CDK13: variants seen among roughly 807,000 people sequenced by gnomAD.
CDK13 encodes cyclin dependent kinase 13.
Under a neutral mutation model 137.6 loss-of-function variants are expected in CDK13, and 40 were observed. That is an observed-to-expected ratio of 0.29 (90% CI 0.23 to 0.38). The LOEUF (loss-of-function observed/expected upper bound fraction) is 0.38, where lower values mean the gene tolerates loss of function less well. Among genes scored for constraint, CDK13 ranks in the 10% least tolerant of loss-of-function variants. CDK13 has a pLI of 1.00. For missense variants in CDK13, 1,704 were observed against 1,951.8 expected (o/e 0.87, Z 2.39); for synonymous variants, 869 against 760.1 (o/e 1.14, Z -2.36).
At chr7:40,003,188 ACACACACACACACACACACTCTCT>A (rs958724857) in intron 5 of CDK13, among the ~76,000 whole-genome samples, 10 of 97,356 alleles carry the variant, frequency 1.0e-4, no homozygotes, top group South Asian at 6.6e-4. Context: ...ACACACACAC[ACACACACACACACACACACTCTCT>A]CTCTCTCTCT....
chr7:39,983,251 T>G (rs1017478267), intron 1 of CDK13, among the ~76,000 whole-genome samples: 2 of 152,184 alleles, frequency 1.3e-5, no homozygotes, highest in African/African-American at 4.8e-5. Flanking sequence ...TAGCCAGTTT[T>G]CCCAGCACCA....
intron 2 of CDK13, among the ~76,000 whole-genome samples, chr7:39,995,389 A>G (rs1288678106): frequency 1.3e-5 from 2 of 152,196 alleles, no homozygotes; most frequent in East Asian, 3.8e-4. Flanking sequence ...AGTTTCCTAA[A>G]TAAGTTATTC....
intron 1 of CDK13, among the ~76,000 whole-genome samples, chr7:39,962,152 A>G (rs1294652801): frequency 6.6e-6 from 1 of 152,254 alleles, no homozygotes; most frequent in African/African-American, 2.4e-5. Context: ...GTACATACCC[A>G]GTAATGGGAT....
chr7:40,057,222 T>C (rs1786039815), intron 7 of CDK13, among the ~76,000 whole-genome samples: 1 of 152,100 alleles, frequency 6.6e-6, no homozygotes, highest in African/African-American at 2.4e-5. Context: ...GCCACTGCAC[T>C]CCAGCCTAGG....
intron 5 of CDK13, among the ~76,000 whole-genome samples, chr7:40,028,923 A>G (rs962941069): frequency 6.6e-6 from 1 of 152,118 alleles, no homozygotes; most frequent in East Asian, 1.9e-4. Flanking sequence ...AGCTTAGTAT[A>G]TATCATTGAT....
rs1372117333 is a variant in CDK13 at position 39,988,020 on chromosome 7, G to T, written c.1633G>T (p.Val545Leu). ...DKAKTKPPLQ[V>L]TKVENNLIVD... ...AGCAAAAACAAAGCCACCTCTTCAG[G>T]TAACGAAGGTGGAAAATAATTTGAT... is the stretch of plus-strand genomic sequence containing the variant. The change falls in exon 2 of 14, where the codon GTA becomes TTA. Residue 545 changes from valine (V) to leucine (L), a missense_variant. By Grantham distance (32) the Val-to-Leu change is conservative. Around this residue, in one of 5 missense-constraint regions of CDK13, gnomAD observed 1,051 missense variants for 931.0 expected, o/e 1.13. Coordinates refer to ENST00000181839, the MANE Select transcript of CDK13 (RefSeq NM_003718.5). The T allele has an allele frequency of 6.2e-7, 1 of 1,613,994 alleles. No individual in the cohort carries two copies. The highest frequency in any genetic ancestry group is 1.7e-5 in the Admixed American group (1 of 59,996).
At position 40,019,589 on chromosome 7, in the gene CDK13, A is replaced by G. The variant is rs1053600365; in HGVS notation, c.2353+17558A>G. ...AAGCCCACCCACATTGTGAGGGTTC[A>G]TCTTTTCTCCCCAAAGTCTTCTGAT... On this transcript the variant is annotated intron_variant, in intron 5 of 13. Transcript: ENST00000181839. 2.0e-5 allele frequency among the ~76,000 whole-genome samples: 3 copies of G among 152,124 alleles called. 1 individual carries two copies. The highest frequency in any genetic ancestry group is 7.2e-5 in the African/African-American group (3 of 41,442).
intron 5 of CDK13, among the ~76,000 whole-genome samples, chr7:40,040,865 C>T (rs566514350): frequency 2.6e-5 from 4 of 152,108 alleles, no homozygotes; most frequent in South Asian, 2.1e-4. Flanking sequence ...TATGGCTCTC[C>T]GGAGGCCAAA....
chr7:40,038,045 A>G (rs926007554), intron 5 of CDK13, among the ~76,000 whole-genome samples: 5 of 152,248 alleles, frequency 3.3e-5, no homozygotes, highest in African/African-American at 1.2e-4. Context: ...TAAAACATTT[A>G]CTTGGTTTCA....
chr7:39,950,975 G>C lies in CDK13; in HGVS notation c.334G>C (p.Gly112Arg), dbSNP rs2116051850. The C allele has an allele frequency of 7.6e-7, 1 of 1,313,714 alleles. No individual in the cohort carries two copies. The highest frequency in any genetic ancestry group is 9.6e-7 in the Non-Finnish European group (1 of 1,036,464). The allele number at this position is 1,313,714 out of a possible 1,614,324, so 81.4% of individuals were successfully genotyped here. ...GAAGCGGCGTCGCGGGCCCCGCGCC[G>C]GGCAGGAGGCGGAGAAGCGTCGGGT... ...RQKRRRGPRA[G>R]QEAEKRRVFS... The change falls in exon 1 of 14, where the codon GGG becomes CGG. Residue 112 changes from glycine (G) to arginine (R), a missense_variant. Coordinates refer to ENST00000181839, the MANE Select transcript of CDK13 (RefSeq NM_003718.5).
chr7:40,012,554 C>T (rs1245395954), intron 5 of CDK13, among the ~76,000 whole-genome samples: 1 of 151,956 alleles, frequency 6.6e-6, no homozygotes, highest in Non-Finnish European at 1.5e-5. Flanking sequence ...GAGCTATGAT[C>T]ACTCCATTGC....
At chr7:40,024,133 G>C (rs981808301) in intron 5 of CDK13, among the ~76,000 whole-genome samples, 3 of 152,156 alleles carry the variant, frequency 2.0e-5, no homozygotes, top group Non-Finnish European at 4.4e-5. Flanking sequence ...ACTTGAAGCA[G>C]ATTCCCTCAA....
chr7:39,990,671 T>G (rs1784437976), intron 2 of CDK13, among the ~76,000 whole-genome samples: 1 of 152,168 alleles, frequency 6.6e-6, no homozygotes, highest in African/African-American at 2.4e-5. Flanking sequence ...GAAAGCTTAG[T>G]TTTTAGTGCC....
At chr7:40,016,572 G>C (rs1289338711) in intron 5 of CDK13, among the ~76,000 whole-genome samples, 1 of 152,104 alleles carries the variant, frequency 6.6e-6, no homozygotes, top group Non-Finnish European at 1.5e-5. Context: ...TAAAGTTTGG[G>C]AGTACCAGGT....
At chr7:39,987,492 T>C in intron 1 of CDK13, 107 bp from the exon 2 acceptor site, 1 of 941,602 alleles carries the variant, frequency 1.1e-6, no homozygotes. Context: ...ACTTTGAAAT[T>C]AAGTAAATTT....
At chr7:39,981,656 T>A (rs1784225747) in intron 1 of CDK13, among the ~76,000 whole-genome samples, 1 of 152,190 alleles carries the variant, frequency 6.6e-6, no homozygotes, top group African/African-American at 2.4e-5. Context: ...AATGGAAACT[T>A]ACTAAGACGA....
At chr7:40,055,396 A>G (rs373369752) in intron 7 of CDK13, among the ~76,000 whole-genome samples, 1 of 152,138 alleles carries the variant, frequency 6.6e-6, no homozygotes, top group South Asian at 2.1e-4. Flanking sequence ...GGGTATAGAC[A>G]CACCACAAGA....
chr7:39,950,791 ACCG>A lies in CDK13; in HGVS notation c.159_161del (p.Pro57del), dbSNP rs1159501488. 1.4e-6 allele frequency: 2 copies of A among 1,463,498 alleles called. No individual in the cohort carries two copies. The highest frequency in any genetic ancestry group is 1.3e-5 in the South Asian group (1 of 76,082). 90.7% of individuals were successfully genotyped at this position (1,463,498 alleles called of 1,614,324 possible). On this transcript the variant is annotated inframe_deletion, in exon 1 of 14. Coordinates refer to ENST00000181839, the MANE Select transcript of CDK13 (RefSeq NM_003718.5). ...CGCTCCTGCAGCCGCAGCTCCTGCA[ACCG>A]CCGCCGCCCCCGCCGCCTCTGCTCT... is the stretch of plus-strand genomic sequence containing the variant.
At position 39,950,483 on chromosome 7, in the gene CDK13, G is replaced by A. The variant is rs976819418; in HGVS notation, c.-159G>A. 5.6e-6 allele frequency: 7 copies of A among 1,257,814 alleles called. No homozygotes were observed. Among genetic ancestry groups the A allele is most frequent in the Non-Finnish European group, 7.0e-6 (7 of 1,002,428 alleles). The allele number at this position is 1,257,814 out of a possible 1,614,324, so 77.9% of individuals were successfully genotyped here. A position where few individuals can be genotyped will look rare whatever the true frequency, so the allele number is the denominator to read the frequency against. ...ACCCCACTGTGACCTGGAACCCAGG[G>A]ACCCGAGTCCCGACCCGGATTATCG... On this transcript the variant is annotated 5_prime_UTR_variant, in exon 1 of 14. Transcript: ENST00000181839.
Sources: allele counts gnomAD v4.1 joint callset (sites outside exome capture counted in the v4.1 genomes callset), GRCh38; gene constraint gnomAD v4.1.1; regional missense constraint gnomAD v4.1.1; transcripts MANE v1.5; gene names NCBI Gene and HGNC (gene_info 2026-07-23, HGNC 2026-07-21).